Variants in NCF4 observed in about 807,000 individuals in gnomAD.
The protein encoded by NCF4 is neutrophil cytosol factor 4.
NCF4 carries 30 observed loss-of-function variants against 41.7 expected under a neutral mutation model. That is an observed-to-expected ratio of 0.72 (90% confidence interval 0.54 to 0.97). The LOEUF is 0.97. NCF4 is among the 50% of genes least tolerant of loss of function. NCF4 has a pLI of 0.00. For missense variants in NCF4, 432 were observed against 460.9 expected (o/e 0.94, Z 0.57); for synonymous variants, 195 against 175.8 (o/e 1.11, Z -0.87).
intron 5 of NCF4, 143 bp from the exon 6 acceptor site, chr22:36,871,509 A>C (rs1158879344): frequency 2.2e-6 from 2 of 892,770 alleles, no homozygotes; most frequent in African/African-American, 3.3e-5. Flanking sequence ...GCCCGCCCAG[A>C]GGAGCAATTG....
At position 36,870,390 on chromosome 22, in the gene NCF4, C is replaced by T. The variant is rs372447100; in HGVS notation, c.343-25C>T. 70 of 1,613,336 alleles carry T rather than the reference C, an allele frequency of 4.3e-5. No homozygotes were observed. The African/African-American group carries it at 5.1e-4, about 12-fold the overall frequency. The stretch of plus-strand genomic sequence containing the variant: ...CAGATCTTTCTGCTGACTACCCCAC[C>T]GGTTCTGCTGTCTCACCCACACAGA... On this transcript the variant is annotated intron_variant, in intron 4 of 9. Transcript: ENST00000248899.
chr22:36,874,755 C>G (rs1940155068), intron 7 of NCF4, among the ~76,000 whole-genome samples: 1 of 152,188 alleles, frequency 6.6e-6, no homozygotes, highest in Non-Finnish European at 1.5e-5. Context: ...AACACGTGCC[C>G]AAAGCCCAGG....
intron 7 of NCF4, among the ~76,000 whole-genome samples, chr22:36,873,749 C>CA (rs1225819615): frequency 6.6e-6 from 1 of 152,138 alleles, no homozygotes; most frequent in Non-Finnish European, 1.5e-5. Flanking sequence ...TTGTCCTGAG[C>CA]ATTGCAGGCT....
At chr22:36,869,259 G>A (rs1939998043) in intron 4 of NCF4, among the ~76,000 whole-genome samples, 1 of 152,094 alleles carries the variant, frequency 6.6e-6, no homozygotes, top group Non-Finnish European at 1.5e-5. Context: ...ACTTTGATGG[G>A]CACCTGGTAT....
chr22:36,873,281 T>C (rs1286550737), intron 7 of NCF4, among the ~76,000 whole-genome samples: 2 of 144,552 alleles, frequency 1.4e-5, no homozygotes, highest in African/African-American at 5.2e-5. Flanking sequence ...GGGGGTGAGT[T>C]TGGAGTTGAG....
intron 1 of NCF4, 66 bp downstream of exon 1, chr22:36,861,269 G>A (rs1471735038): frequency 1.3e-6 from 2 of 1,526,024 alleles, no homozygotes; most frequent in Non-Finnish European, 1.8e-6. Flanking sequence ...AGGGACAAAG[G>A]CCAGTCCTTC....
At chr22:36,864,448 C>T (rs1032998095) in intron 2 of NCF4, among the ~76,000 whole-genome samples, 5 of 152,170 alleles carry the variant, frequency 3.3e-5, no homozygotes, top group Admixed American at 1.3e-4. Context: ...AAATCCTGAT[C>T]GCGTCCTTTG....
chr22:36,876,141 A>G, intron 9 of NCF4, 47 bp downstream of exon 9: 1 of 1,515,994 alleles, frequency 6.6e-7, no homozygotes. Flanking sequence ...TCTGGAGAAG[A>G]GAGCGCAGGG....
chr22:36,864,188 C>T (rs1244565311), intron 2 of NCF4, 59 bp downstream of exon 2: 8 of 1,335,736 alleles, frequency 6.0e-6, no homozygotes, highest in East Asian at 5.2e-5. Flanking sequence ...CAGCTGACCT[C>T]TGAACCTTGC....
chr22:36,864,664 T>C (rs182335190), intron 2 of NCF4, among the ~76,000 whole-genome samples: 51 of 152,288 alleles, frequency 3.3e-4, no homozygotes, highest in Admixed American at 1.8e-3. Flanking sequence ...CCAAGGGCTC[T>C]TGCCTCTAAC....
chr22:36,863,871 CTT>C (rs1414826366), intron 1 of NCF4, among the ~76,000 whole-genome samples, 172 bp from the exon 2 acceptor site: 1 of 151,920 alleles, frequency 6.6e-6, no homozygotes, highest in African/African-American at 2.4e-5. Context: ...TGGGCTGTGT[CTT>C]GTTATCTCCG....
intron 3 of NCF4, 76 bp from the exon 4 acceptor site, chr22:36,867,316 T>C (rs1939950788): frequency 5.3e-6 from 8 of 1,518,160 alleles, no homozygotes; most frequent in African/African-American, 1.4e-5. Flanking sequence ...CCAGGGTTCC[T>C]GGCCTGTAGG....
At chr22:36,862,665 C>G (rs1939803046) in intron 1 of NCF4, among the ~76,000 whole-genome samples, 1 of 152,178 alleles carries the variant, frequency 6.6e-6, no homozygotes, top group Non-Finnish European at 1.5e-5. Flanking sequence ...ATGGGGGCTC[C>G]CTGTACCTCG....
At chr22:36,863,832 G>A (rs941279850) in intron 1 of NCF4, among the ~76,000 whole-genome samples, 3 of 151,508 alleles carry the variant, frequency 2.0e-5, no homozygotes, top group Non-Finnish European at 4.4e-5. Context: ...CAGTATGGCC[G>A]CCAGCTTCCC....
intron 7 of NCF4, among the ~76,000 whole-genome samples, chr22:36,874,785 T>G (rs1408838183): frequency 6.6e-6 from 1 of 152,242 alleles, no homozygotes; most frequent in African/African-American, 2.4e-5. Context: ...GGTCTGGGTC[T>G]GATTTCTGGC....
At position 36,877,715 on chromosome 22, in the gene NCF4, G is replaced by A. The variant is rs200914046; in HGVS notation, c.912G>A (p.Ala304=). The change falls in exon 10 of 10, where the codon GCG becomes GCA. Residue 304 remains alanine, a synonymous_variant. Coordinates refer to ENST00000248899, the MANE Select transcript of NCF4 (RefSeq NM_000631.5). ...GGCTGCTGTCGGATGAGGACGTAGCGCTCATGGTGCGGCAGGCTCGTGGCC... is the reference window on the plus strand; with the variant it reads ...GGCTGCTGTCGGATGAGGACGTAGCACTCATGGTGCGGCAGGCTCGTGGCC... ...LVRLLSDEDV[A]LMVRQARGLP... 384 of 1,614,132 alleles carry A rather than the reference G, an allele frequency of 2.4e-4. 2 individuals are homozygous for A. Among genetic ancestry groups the A allele is most frequent in the African/African-American group, 1.6e-4 (12 of 75,020 alleles).
rs760573346 is a variant in NCF4, at chr22:36,872,347, A to G, written c.549A>G (p.Gly183=). The change falls in exon 7 of 10, where the codon GGA becomes GGG. Residue 183 remains glycine, a synonymous_variant. Transcript: ENST00000248899. ...PRAEALFDFT[G]NSKLELNFKA... is the part of the protein sequence containing the mutation. The stretch of plus-strand genomic sequence containing the variant: ...CTCAGGCTCTATTTGACTTCACTGG[A>G]AACAGCAAACTGGAGCTGAATTTCA... 1 of 1,612,022 alleles carries G rather than the reference A, an allele frequency of 6.2e-7. No individual in the cohort carries two copies. The highest frequency in any genetic ancestry group is 8.5e-7 in the Non-Finnish European group (1 of 1,178,086).
chr22:36,872,005 G>A, intron 6 of NCF4: 1 of 640,692 alleles, frequency 1.6e-6, no homozygotes. Context: ...AGGCATGGAA[G>A]CTGCAGAGAT....
chr22:36,875,331 A>G (rs1204261263), intron 7 of NCF4, among the ~76,000 whole-genome samples: 1 of 152,158 alleles, frequency 6.6e-6, no homozygotes, highest in African/African-American at 2.4e-5. Flanking sequence ...CGCCCGGCCC[A>G]AGGACTTTTA....
Sources: gnomAD v4.1 joint callset for allele counts (sites outside exome capture counted in the v4.1 genomes callset) on GRCh38, gnomAD v4.1.1 for gene constraint, MANE v1.5 for transcripts, NCBI Gene and HGNC (gene_info 2026-07-23, HGNC 2026-07-21) for gene names.